SLC7A8: variants seen among roughly 807,000 people sequenced by gnomAD.
The protein encoded by SLC7A8 is large neutral amino acids transporter small subunit 2.
SLC7A8 carries 30 observed loss-of-function variants against 51.2 expected under a neutral mutation model. That is an observed-to-expected ratio of 0.59 (90% CI 0.44 to 0.80). SLC7A8 has a LOEUF of 0.80. SLC7A8 is among the 30% of genes least tolerant of loss of function. SLC7A8 has a pLI of 0.00. For synonymous variants in SLC7A8, 257 were observed against 275.8 expected (o/e 0.93, Z 0.67); for missense variants, 612 against 674.4 (o/e 0.91, Z 1.03).
chr14:23,140,396 A>C, intron 5 of SLC7A8, 75 bp downstream of exon 5: 8 of 1,479,564 alleles, frequency 5.4e-6, no homozygotes, highest in Non-Finnish European at 7.3e-6. Flanking sequence ...GGCAATGGAC[A>C]CCTGCTCCCT....
At chr14:23,143,328 C>T in intron 3 of SLC7A8, 124 bp from the exon 4 acceptor site, 1 of 1,346,282 alleles carries the variant, frequency 7.4e-7, no homozygotes, top group South Asian at 1.4e-5. Context: ...GCCAGACATC[C>T]AGCAAGCTCA....
chr14:23,174,340 C>A (rs546566244), intron 1 of SLC7A8, among the ~76,000 whole-genome samples: 8 of 152,250 alleles, frequency 5.3e-5, no homozygotes, highest in Non-Finnish European at 7.3e-5. Context: ...AGCAGTGGTA[C>A]TCTTTCTGAG....
At chr14:23,161,707 C>G (rs2048923675) in intron 3 of SLC7A8, among the ~76,000 whole-genome samples, 1 of 152,100 alleles carries the variant, frequency 6.6e-6, no homozygotes, top group African/African-American at 2.4e-5. Context: ...GCGGGTGGAT[C>G]ACTTGAGGTC....
chr14:23,153,914 CAA>C (rs1481335870), intron 3 of SLC7A8, among the ~76,000 whole-genome samples: 1 of 152,018 alleles, frequency 6.6e-6, no homozygotes, highest in Non-Finnish European at 1.5e-5. Context: ...CCAGACTTGC[CAA>C]AGTCCATAAA....
intron 1 of SLC7A8, among the ~76,000 whole-genome samples, chr14:23,176,626 T>G (rs1234933774): frequency 6.6e-6 from 1 of 152,086 alleles, no homozygotes; most frequent in African/African-American, 2.4e-5. Context: ...AAATAATATA[T>G]GTAAAGAGCT....
At position 23,182,947 on chromosome 14, in the gene SLC7A8, C is replaced by T; in HGVS notation, c.-33G>A. The T allele has an allele frequency of 6.2e-7, 1 of 1,613,856 alleles. No homozygotes were observed. Among genetic ancestry groups the T allele is most frequent in the East Asian group, 2.2e-5 (1 of 44,850 alleles). The stretch of plus-strand genomic sequence containing the variant: ...AGTAGGATTGCAACCTCAAAAGCTG[C>T]CTCCCTTTCTAAATGCGTATTCGTG... On this transcript the variant is annotated 5_prime_UTR_variant, in exon 1 of 11. Coordinates refer to ENST00000316902, the MANE Select transcript of SLC7A8 (RefSeq NM_012244.4).
intron 6 of SLC7A8, 190 bp from the exon 7 acceptor site, chr14:23,138,214 T>G: frequency 4.9e-6 from 3 of 610,926 alleles, no homozygotes; most frequent in Non-Finnish European, 8.5e-6. Context: ...TGTTTTAGGC[T>G]AATTAACTGA....
At chr14:23,177,875 C>A (rs900420169) in intron 1 of SLC7A8, among the ~76,000 whole-genome samples, 1 of 152,184 alleles carries the variant, frequency 6.6e-6, no homozygotes, top group African/African-American at 2.4e-5. Context: ...AATTGCTATA[C>A]AATAAGTATT....
At chr14:23,161,149 C>G (rs1319925534) in intron 3 of SLC7A8, among the ~76,000 whole-genome samples, 3 of 152,038 alleles carry the variant, frequency 2.0e-5, no homozygotes, top group Non-Finnish European at 4.4e-5. Flanking sequence ...ATCCGGCAGG[C>G]AAGCCAGTTT....
Position 23,125,610 on chromosome 14 carries a change from G to A in SLC7A8, c.*1567C>T, listed in dbSNP as rs1186753491. Reference sequence around the variant, plus strand: ...CCCCAGCCTGCCGGGCATCTACTCTGAAGGGGTCACAACTCAGACCAAACT... The same window carrying A: ...CCCCAGCCTGCCGGGCATCTACTCTAAAGGGGTCACAACTCAGACCAAACT... On this transcript the variant is annotated 3_prime_UTR_variant, in exon 11 of 11. Coordinates refer to ENST00000316902, the MANE Select transcript of SLC7A8 (RefSeq NM_012244.4). 1 of 152,650 alleles carries A rather than the reference G, an allele frequency of 6.6e-6. No homozygotes were observed. The highest frequency in any genetic ancestry group is 1.5e-5 in the Non-Finnish European group (1 of 68,070). 9.5% of individuals were successfully genotyped at this position (152,650 alleles called of 1,614,324 possible).
Position 23,183,047 on chromosome 14 carries a change from G to A in SLC7A8, c.-133C>T. 1 of 988,736 alleles carries A rather than the reference G, an allele frequency of 1.0e-6. No individual in the cohort carries two copies. The allele number at this position is 988,736 out of a possible 1,614,324, so 61.2% of individuals were successfully genotyped here. On this transcript the variant is annotated 5_prime_UTR_variant, in exon 1 of 11. Transcript: ENST00000316902. ...GGAACCACTGCTACTCTCTAAAAAA[G>A]GCAAGCAGATAAAAGAGAACACGAA... is the stretch of plus-strand genomic sequence containing the variant.
intron 7 of SLC7A8, among the ~76,000 whole-genome samples, chr14:23,133,486 G>A (rs966848783): frequency 5.3e-5 from 8 of 150,422 alleles, no homozygotes; most frequent in Admixed American, 1.3e-4. Context: ...TGGAAATATC[G>A]TAAGTGCCTA....
chr14:23,154,047 G>A (rs781358248), intron 3 of SLC7A8, among the ~76,000 whole-genome samples: 17 of 152,180 alleles, frequency 1.1e-4, no homozygotes, highest in Non-Finnish European at 1.6e-4. Flanking sequence ...AACAGAGAGA[G>A]GCCAGGACTG....
At chr14:23,144,603 T>C (rs2048774932) in intron 3 of SLC7A8, among the ~76,000 whole-genome samples, 4 of 152,200 alleles carry the variant, frequency 2.6e-5, no homozygotes, top group Admixed American at 2.6e-4. Flanking sequence ...ATATGGTACT[T>C]CTACTTTCCA....
chr14:23,181,622 TA>T (rs1877187678), intron 1 of SLC7A8, among the ~76,000 whole-genome samples: 2 of 152,336 alleles, frequency 1.3e-5, no homozygotes, highest in South Asian at 4.1e-4. Context: ...AGCTATTGCA[TA>T]GAACATGGCG....
chr14:23,164,407 G>A (rs148108054), intron 3 of SLC7A8, among the ~76,000 whole-genome samples: 2 of 152,332 alleles, frequency 1.3e-5, no homozygotes, highest in East Asian at 1.9e-4. Context: ...TGCACTCCAC[G>A]TGGCCTGCCT....
chr14:23,133,139 T>A (rs8010887), intron 7 of SLC7A8, among the ~76,000 whole-genome samples: 88,024 of 151,990 alleles, frequency 0.58, 26,081 homozygotes, highest in Middle Eastern at 0.69. Flanking sequence ...GGATTGAGTT[T>A]AAAAAAATTA....
At chr14:23,178,761 A>C (rs1877033429) in intron 1 of SLC7A8, among the ~76,000 whole-genome samples, 1 of 151,674 alleles carries the variant, frequency 6.6e-6, no homozygotes, top group South Asian at 2.1e-4. Flanking sequence ...AAAAAATTAA[A>C]AATAATTTTA....
chr14:23,155,226 A>G, intron 3 of SLC7A8: 1 of 1,536,030 alleles, frequency 6.5e-7, no homozygotes, highest in Non-Finnish European at 8.7e-7. Context: ...GCCTTCCGGA[A>G]GGGCCTCTCT....
Sources: gnomAD v4.1 joint callset for allele counts (sites outside exome capture counted in the v4.1 genomes callset) on GRCh38, gnomAD v4.1.1 for gene constraint, MANE v1.5 for transcripts, NCBI Gene and HGNC (gene_info 2026-07-23, HGNC 2026-07-21) for gene names.